Variants in PLCXD3 observed in about 807,000 individuals in gnomAD.
PLCXD3 encodes the protein PI-PLC X domain-containing protein 3.
Under a neutral mutation model 25.5 loss-of-function variants are expected in PLCXD3, and 19 were observed. The ratio of observed to expected loss-of-function variants is 0.75; its 90% CI spans 0.52 to 1.09. PLCXD3 has a LOEUF of 1.09. PLCXD3 is among the 50% of genes least tolerant of loss of function. The pLI, the probability that PLCXD3 is intolerant of heterozygous loss-of-function variation, is 0.00. For synonymous variants in PLCXD3, 174 were observed against 137.6 expected (o/e 1.26, Z -1.85); for missense variants, 411 against 388.1 (o/e 1.06, Z -0.50).
At chr5:41,406,107 G>A (rs576982740) in intron 1 of PLCXD3, among the ~76,000 whole-genome samples, 1 of 152,014 alleles carries the variant, frequency 6.6e-6, no homozygotes, top group Admixed American at 6.6e-5. Flanking sequence ...TCCTCCTTTG[G>A]TTTTTGAGAC....
chr5:41,481,077 G>GAAGA (rs1748399432), intron 1 of PLCXD3, among the ~76,000 whole-genome samples: 1 of 90,342 alleles, frequency 1.1e-5, no homozygotes, highest in South Asian at 3.8e-4. Context: ...AGAGAGTCCT[G>GAAGA]AAGAAATAAT....
In PLCXD3 at chr5:41,382,196, A is replaced by T; in HGVS notation, c.442T>A (p.Tyr148Asn). The change falls in exon 2 of 3, where the codon TAT becomes AAT. Residue 148 changes from tyrosine (Y) to asparagine (N), a missense_variant. Coordinates refer to ENST00000377801, the MANE Select transcript of PLCXD3 (RefSeq NM_001005473.3). ...TCATGGTGATATTTCTGCATCCCAT[A>T]AAAGTGGTTGAAGTCCAAGAACACT... ...EVVFLDFNHF[Y>N]GMQKYHHEKL... The T allele has an allele frequency of 6.2e-7, 1 of 1,613,780 alleles. No individual in the cohort carries two copies. Among genetic ancestry groups the T allele is most frequent in the Non-Finnish European group, 8.5e-7 (1 of 1,179,784 alleles).
At chr5:41,455,661 A>G (rs991198115) in intron 1 of PLCXD3, among the ~76,000 whole-genome samples, 1 of 151,982 alleles carries the variant, frequency 6.6e-6, no homozygotes, top group African/African-American at 2.4e-5. Context: ...TCAGAAAATA[A>G]AACTAAACAT....
chr5:41,440,036 C>T lies in PLCXD3; in HGVS notation c.104-57502G>A, dbSNP rs543285889. On this transcript the variant is annotated intron_variant, in intron 1 of 2. Coordinates refer to ENST00000377801, the MANE Select transcript of PLCXD3 (RefSeq NM_001005473.3). ...GGACAATGATAGAAGAGGAAGGATT[C>T]GCACACAGGTGGAACATGGGCCTGA... Among the ~76,000 whole-genome samples, 18 of 152,042 alleles carry T rather than the reference C, an allele frequency of 1.2e-4. No individual in the cohort carries two copies. In the East Asian group the frequency reaches 3.1e-3, roughly 26 times the overall value.
In PLCXD3 at chr5:41,429,872, A is replaced by G. The variant is rs1002452446; in HGVS notation, c.104-47338T>C. Among the ~76,000 whole-genome samples the G allele has an allele frequency of 6.6e-5, 10 of 152,200 alleles. 1 individual carries two copies. The highest frequency in any genetic ancestry group is 2.2e-4 in the African/African-American group (9 of 41,456). On this transcript the variant is annotated intron_variant, in intron 1 of 2. Coordinates refer to ENST00000377801, the MANE Select transcript of PLCXD3 (RefSeq NM_001005473.3). The stretch of plus-strand genomic sequence containing the variant: ...TAAGGTATAGTTTTAACTTATGTTT[A>G]GTGTTCTTATTTAGCACCAATTAAA...
At chr5:41,384,044 C>G (rs954107230) in intron 1 of PLCXD3, among the ~76,000 whole-genome samples, 7 of 152,040 alleles carry the variant, frequency 4.6e-5, no homozygotes, top group Admixed American at 3.9e-4. Context: ...TTTTGATACC[C>G]TGAAAATCAT....
At chr5:41,491,890 T>G (rs1360710339) in intron 1 of PLCXD3, among the ~76,000 whole-genome samples, 1 of 152,186 alleles carries the variant, frequency 6.6e-6, no homozygotes, top group Non-Finnish European at 1.5e-5. Context: ...CTTTATCGCA[T>G]TTGCCAGTCT....
intron 2 of PLCXD3, among the ~76,000 whole-genome samples, chr5:41,380,181 C>A (rs894670333): frequency 6.6e-6 from 1 of 152,008 alleles, no homozygotes; most frequent in African/African-American, 2.4e-5. Flanking sequence ...CTGATGGTAC[C>A]TTCCCCACTT....
intron 2 of PLCXD3, among the ~76,000 whole-genome samples, chr5:41,358,502 T>C (rs938492708): frequency 5.9e-5 from 9 of 152,208 alleles, no homozygotes; most frequent in Non-Finnish European, 7.3e-5. Context: ...ATCATTCTTA[T>C]GCCTTTGCAT....
chr5:41,490,396 C>CT (rs1440630299), intron 1 of PLCXD3, among the ~76,000 whole-genome samples: 8 of 150,434 alleles, frequency 5.3e-5, no homozygotes, highest in Non-Finnish European at 1.0e-4. Flanking sequence ...CTAAAATTCT[C>CT]TTTTTTGGTT....
chr5:41,463,382 G>C (rs1561280989), intron 1 of PLCXD3, among the ~76,000 whole-genome samples: 1 of 151,892 alleles, frequency 6.6e-6, no homozygotes, highest in Non-Finnish European at 1.5e-5. Flanking sequence ...GAGCTCTCTG[G>C]GGTCTCTATT....
chr5:41,443,128 A>G (rs1160243618), intron 1 of PLCXD3, among the ~76,000 whole-genome samples: 4 of 150,268 alleles, frequency 2.7e-5, no homozygotes, highest in African/African-American at 4.9e-5. Flanking sequence ...TAATTCATAT[A>G]TACCCAATAG....
chr5:41,391,923 C>T (rs1158972276), intron 1 of PLCXD3, among the ~76,000 whole-genome samples: 4 of 152,084 alleles, frequency 2.6e-5, no homozygotes, highest in South Asian at 2.1e-4. Context: ...CAGTACTCCT[C>T]GTGGCCTGGG....
chr5:41,483,622 G>A (rs906199812), intron 1 of PLCXD3, among the ~76,000 whole-genome samples: 3 of 152,070 alleles, frequency 2.0e-5, no homozygotes, highest in South Asian at 2.1e-4. Flanking sequence ...ATGTTCTGTG[G>A]ATGAATGACA....
rs151173604 is a variant in PLCXD3 at position 41,349,013 on chromosome 5, C to A, written c.812+32813G>T. Reference sequence around the variant, plus strand: ...ATCTAAAACCTGCGATTCAAAATTTCTGGATGATTTTAATGTGATTTACTC... The same window carrying A: ...ATCTAAAACCTGCGATTCAAAATTTATGGATGATTTTAATGTGATTTACTC... On this transcript the variant is annotated intron_variant, in intron 2 of 2. Transcript: ENST00000377801. 2.3e-3 allele frequency among the ~76,000 whole-genome samples: 356 copies of A among 152,258 alleles called. 1 individual carries two copies. The highest frequency in any genetic ancestry group is 8.2e-3 in the African/African-American group (342 of 41,560).
intron 1 of PLCXD3, among the ~76,000 whole-genome samples, chr5:41,470,370 C>T (rs541357783): frequency 1.4e-4 from 20 of 145,806 alleles, no homozygotes; most frequent in African/African-American, 4.5e-4. Context: ...TCATTTCAGA[C>T]AGAAATCTGA....
intron 1 of PLCXD3, among the ~76,000 whole-genome samples, chr5:41,474,431 A>G (rs1016321997): frequency 1.3e-5 from 2 of 152,132 alleles, no homozygotes; most frequent in Non-Finnish European, 2.9e-5. Flanking sequence ...ATAGCTTCCA[A>G]TGGTATACTG....
intron 2 of PLCXD3, among the ~76,000 whole-genome samples, chr5:41,351,641 G>T (rs946998713): frequency 6.6e-6 from 1 of 152,156 alleles, no homozygotes; most frequent in Non-Finnish European, 1.5e-5. Flanking sequence ...TATTTAAAAT[G>T]AAGTTTCTAT....
chr5:41,337,219 C>T (rs1005996056), intron 2 of PLCXD3, among the ~76,000 whole-genome samples: 44 of 152,064 alleles, frequency 2.9e-4, no homozygotes, highest in African/African-American at 1.1e-3. Context: ...TGAAAGGCCA[C>T]CAGAACTAAA....
Sources: gnomAD v4.1 joint callset for allele counts (sites outside exome capture counted in the v4.1 genomes callset) on GRCh38, gnomAD v4.1.1 for gene constraint, MANE v1.5 for transcripts, NCBI Gene and HGNC (gene_info 2026-07-23, HGNC 2026-07-21) for gene names.